SLC24A3: variants seen among roughly 807,000 people sequenced by gnomAD.
The protein encoded by SLC24A3 is sodium/potassium/calcium exchanger 3.
Under a neutral mutation model 75.8 loss-of-function variants are expected in SLC24A3, and 28 were observed. That is an observed-to-expected ratio of 0.37 (90% confidence interval 0.27 to 0.51). The LOEUF (loss-of-function observed/expected upper bound fraction) is 0.51, where lower values mean the gene tolerates loss of function less well. SLC24A3 is among the 20% of genes least tolerant of loss of function. The pLI, the probability that SLC24A3 is intolerant of heterozygous loss-of-function variation, is 0.94. For synonymous variants in SLC24A3, 372 were observed against 334.1 expected, an observed-to-expected ratio of 1.11 and a Z score of -1.24; for missense variants, 663 against 847.8, an observed-to-expected ratio of 0.78 and a Z score of 2.71.
At chr20:19,371,300 T>C (rs923632157) in intron 2 of SLC24A3, among the ~76,000 whole-genome samples, 2 of 152,146 alleles carry the variant, frequency 1.3e-5, no homozygotes, top group African/African-American at 2.4e-5. Flanking sequence ...GAGATACTAA[T>C]GTCTGTGTGT....
chr20:19,462,102 G>T (rs1016606255), intron 2 of SLC24A3, among the ~76,000 whole-genome samples: 1 of 152,092 alleles, frequency 6.6e-6, no homozygotes, highest in African/African-American at 2.4e-5. Flanking sequence ...TGTTGCAGAG[G>T]TTTGGTGTAC....
At position 19,682,128 on chromosome 20, in the gene SLC24A3, G is replaced by A. The variant is rs934422344; in HGVS notation, c.901+137G>A. The stretch of plus-strand genomic sequence containing the variant: ...AAATTAACCAGGAGTGGTGGCCCAA[G>A]CCTGTAATCCCAGCTGCATGGGAGG... On this transcript the variant is annotated intron_variant, in intron 10 of 16. Transcript: ENST00000328041. 5.0e-6 allele frequency: 5 copies of A among 990,550 alleles called. No homozygotes were observed. The Admixed American group carries it at 1.0e-4, about 20-fold the overall frequency. 61.4% of individuals were successfully genotyped at this position (990,550 alleles called of 1,614,324 possible).
intron 2 of SLC24A3, among the ~76,000 whole-genome samples, chr20:19,339,488 A>T (rs1394189482): frequency 1.3e-5 from 2 of 152,232 alleles, no homozygotes; most frequent in African/African-American, 2.4e-5. Context: ...TCATTTTATA[A>T]GGAAAAGTAG....
chr20:19,591,590 G>A (rs2031378192), intron 6 of SLC24A3, among the ~76,000 whole-genome samples: 1 of 151,784 alleles, frequency 6.6e-6, no homozygotes, highest in Non-Finnish European at 1.5e-5. Context: ...TGTCTCCTTG[G>A]CCACCACATC....
At chr20:19,600,367 C>A (rs1359475328) in intron 6 of SLC24A3, among the ~76,000 whole-genome samples, 1 of 152,094 alleles carries the variant, frequency 6.6e-6, no homozygotes, top group Non-Finnish European at 1.5e-5. Flanking sequence ...TAAATGCCAT[C>A]AAAAAAGTCA....
chr20:19,263,375 G>A (rs1983057688), intron 1 of SLC24A3, among the ~76,000 whole-genome samples: 1 of 152,142 alleles, frequency 6.6e-6, no homozygotes, highest in African/African-American at 2.4e-5. Context: ...TTTTCAAGGG[G>A]GGACGTTATT....
At chr20:19,293,086 G>A (rs73282696) in intron 2 of SLC24A3, among the ~76,000 whole-genome samples, 3,017 of 152,228 alleles carry the variant, frequency 0.02, 36 homozygotes, top group African/African-American at 0.03. Flanking sequence ...GAAGACCATA[G>A]CACCCTTGCA....
intron 2 of SLC24A3, among the ~76,000 whole-genome samples, chr20:19,300,765 G>A (rs1045412159): frequency 6.6e-6 from 1 of 152,134 alleles, no homozygotes; most frequent in African/African-American, 2.4e-5. Context: ...CATTCCTGGA[G>A]TCTTCAGCTT....
rs147177773 is a variant in SLC24A3 at position 19,517,883 on chromosome 20, A to G, written c.348+2319A>G. Among the ~76,000 whole-genome samples the G allele has an allele frequency of 9.2e-5, 14 of 152,244 alleles. No individual in the cohort carries two copies. The East Asian group carries it at 2.5e-3, about 27-fold the overall frequency. On this transcript the variant is annotated intron_variant, in intron 3 of 16. Transcript: ENST00000328041. ...TGGGCAGAGCAGCAGGGCAGAGACA[A>G]ATGTTCGGGTGGACCTGCTGGTGCC...
intron 6 of SLC24A3, among the ~76,000 whole-genome samples, chr20:19,632,698 G>GTGTATTGT (rs1318325443): frequency 2.0e-5 from 3 of 152,168 alleles, no homozygotes; most frequent in Non-Finnish European, 4.4e-5. Flanking sequence ...CCATCAAACA[G>GTGTATTGT]ATTGTATACA....
At chr20:19,429,789 C>T (rs1987070279) in intron 2 of SLC24A3, among the ~76,000 whole-genome samples, 1 of 152,180 alleles carries the variant, frequency 6.6e-6, no homozygotes, top group South Asian at 2.1e-4. Flanking sequence ...TTATTTCTAA[C>T]TGACCCATAA....
intron 2 of SLC24A3, among the ~76,000 whole-genome samples, chr20:19,446,475 A>G (rs1233216771): frequency 1.3e-5 from 2 of 152,086 alleles, no homozygotes; most frequent in African/African-American, 4.8e-5. Context: ...TTGTCAAGGG[A>G]TTTATCTTTG....
intron 2 of SLC24A3, among the ~76,000 whole-genome samples, chr20:19,329,969 C>T (rs897270163): frequency 6.6e-6 from 1 of 152,164 alleles, no homozygotes; most frequent in African/African-American, 2.4e-5. Context: ...GGACACCCCT[C>T]GAGCTGGTTG....
chr20:19,628,703 CACT>C (rs1363883631), intron 6 of SLC24A3, among the ~76,000 whole-genome samples: 1 of 152,016 alleles, frequency 6.6e-6, no homozygotes, highest in Non-Finnish European at 1.5e-5. Context: ...CTTGCTACAC[CACT>C]ACCAGAGAAA....
At chr20:19,268,187 G>C (rs1983222281) in intron 1 of SLC24A3, among the ~76,000 whole-genome samples, 1 of 152,162 alleles carries the variant, frequency 6.6e-6, no homozygotes, top group East Asian at 1.9e-4. Flanking sequence ...TTTTCCTTCA[G>C]GTCCCTCACC....
intron 3 of SLC24A3, among the ~76,000 whole-genome samples, chr20:19,540,647 A>T (rs2030480130): frequency 6.6e-6 from 1 of 152,262 alleles, no homozygotes. Context: ...TTAGTACTGC[A>T]TGAAGCCCAG....
At chr20:19,588,597 T>G (rs1255019447) in intron 6 of SLC24A3, among the ~76,000 whole-genome samples, 1 of 152,210 alleles carries the variant, frequency 6.6e-6, no homozygotes, top group Non-Finnish European at 1.5e-5. Context: ...AGAAAGTGGC[T>G]TATAGAGAGG....
chr20:19,257,916 C>A (rs1293680947), intron 1 of SLC24A3, among the ~76,000 whole-genome samples: 1 of 152,216 alleles, frequency 6.6e-6, no homozygotes, highest in Non-Finnish European at 1.5e-5. Context: ...GTCTCAAACT[C>A]CTGCACGTAA....
chr20:19,678,529 C>T (rs2032559853), intron 9 of SLC24A3, among the ~76,000 whole-genome samples: 1 of 143,110 alleles, frequency 7.0e-6, no homozygotes, highest in African/African-American at 2.7e-5. Context: ...CCCCAACCTC[C>T]CTCCCGGACG....
Sources: allele counts gnomAD v4.1 joint callset (sites outside exome capture counted in the v4.1 genomes callset), GRCh38; gene constraint gnomAD v4.1.1; transcripts MANE v1.5; gene names NCBI Gene and HGNC (gene_info 2026-07-23, HGNC 2026-07-21).